The following KIAA0825 variants were observed in gnomAD, a reference collection of about 807,000 sequenced individuals.
The protein encoded by KIAA0825 is KIAA0825, also known as uncharacterized protein KIAA0825.
In KIAA0825, 119 loss-of-function variants were observed where a neutral mutation model predicts 147.6. The observed-to-expected ratio is 0.81, with a 90% CI of 0.69 to 0.94. The LOEUF is 0.94. Among genes scored for constraint, KIAA0825 ranks in the 40% least tolerant of loss-of-function variants. The pLI is 0.00. For missense variants in KIAA0825, 1,381 were observed against 1,472.7 expected (o/e 0.94, Z 1.02); for synonymous variants, 470 against 518.1 (o/e 0.91, Z 1.26).
chr5:94,162,133 T>G (rs1305541090), intron 20 of KIAA0825, among the ~76,000 whole-genome samples: 1 of 152,200 alleles, frequency 6.6e-6, no homozygotes, highest in African/African-American at 2.4e-5. Flanking sequence ...ATTTACATCC[T>G]TCTTAACTTG....
At chr5:94,250,578 G>A (rs1365803433) in intron 20 of KIAA0825, among the ~76,000 whole-genome samples, 3 of 151,980 alleles carry the variant, frequency 2.0e-5, no homozygotes, top group South Asian at 2.1e-4. Flanking sequence ...TGAATTAACC[G>A]GAAGCTCATG....
At chr5:94,307,382 A>G (rs1279822864) in intron 20 of KIAA0825, among the ~76,000 whole-genome samples, 1 of 151,632 alleles carries the variant, frequency 6.6e-6, no homozygotes, top group South Asian at 2.1e-4. Flanking sequence ...TGTTTCTTCA[A>G]TTGTTATGGT....
intron 14 of KIAA0825, among the ~76,000 whole-genome samples, chr5:94,418,552 T>C (rs1175346124): frequency 1.4e-5 from 2 of 141,550 alleles, no homozygotes; most frequent in Non-Finnish European, 3.0e-5. Flanking sequence ...AACCAAGGCC[T>C]GGCCAATCAG....
intron 20 of KIAA0825, among the ~76,000 whole-genome samples, chr5:94,227,492 A>G (rs1366098337): frequency 6.6e-6 from 1 of 152,066 alleles, no homozygotes; most frequent in Non-Finnish European, 1.5e-5. Context: ...GCACATGTAT[A>G]CATATGTAAC....
chr5:94,261,693 A>G (rs1220580450), intron 20 of KIAA0825, among the ~76,000 whole-genome samples: 1 of 152,170 alleles, frequency 6.6e-6, no homozygotes, highest in Non-Finnish European at 1.5e-5. Flanking sequence ...GAACCAATCT[A>G]TACTGTTGTC....
chr5:94,378,571 G>A (rs1292122192), intron 20 of KIAA0825, among the ~76,000 whole-genome samples: 1 of 152,118 alleles, frequency 6.6e-6, no homozygotes, highest in African/African-American at 2.4e-5. Flanking sequence ...GAAGATACAC[G>A]TGCATATGTC....
At chr5:94,259,402 G>A (rs1159805136) in intron 20 of KIAA0825, among the ~76,000 whole-genome samples, 1 of 151,992 alleles carries the variant, frequency 6.6e-6, no homozygotes, top group Non-Finnish European at 1.5e-5. Context: ...TATTAGTAAG[G>A]TGAATTTTAG....
At chr5:94,372,277 C>T (rs1000099115) in intron 20 of KIAA0825, among the ~76,000 whole-genome samples, 8 of 152,244 alleles carry the variant, frequency 5.3e-5, no homozygotes, top group African/African-American at 1.4e-4. Context: ...GATAGTGGCC[C>T]TCTTCTCACA....
rs189106839 is a variant in KIAA0825, at chr5:94,209,484, A to G, written c.3711-55360T>C. Among the ~76,000 whole-genome samples, 174 of 152,278 alleles carry G rather than the reference A, an allele frequency of 1.1e-3. 1 individual carries two copies. The highest frequency in any genetic ancestry group is 3.8e-3 in the African/African-American group (157 of 41,566). On this transcript the variant is annotated intron_variant, in intron 20 of 20. Coordinates refer to ENST00000682413, the MANE Select transcript of KIAA0825 (RefSeq NM_001145678.3). ...AAGAAATTTAAATAAGAGACGAACT[A>G]TGCTGTGGGGCGGTAAGGAGGACTT...
intron 20 of KIAA0825, among the ~76,000 whole-genome samples, chr5:94,306,194 G>C (rs138157784): frequency 6.6e-6 from 1 of 151,462 alleles, no homozygotes; most frequent in Non-Finnish European, 1.5e-5. Context: ...AAAAAAAGGG[G>C]GAATGTGAAA....
intron 20 of KIAA0825, among the ~76,000 whole-genome samples, chr5:94,319,555 A>G (rs961840500): frequency 2.0e-5 from 3 of 151,874 alleles, no homozygotes; most frequent in African/African-American, 4.8e-5. Context: ...CCTCATCTCA[A>G]TAATCATATG....
At chr5:94,520,221 C>A (rs1420357357) in intron 5 of KIAA0825, 27 bp downstream of exon 5, 2 of 1,534,078 alleles carry the variant, frequency 1.3e-6, no homozygotes, top group Non-Finnish European at 1.8e-6. Flanking sequence ...TAAGTTAAAC[C>A]AAACAAAAAT....
At chr5:94,453,467 G>C (rs749211162) in intron 12 of KIAA0825, among the ~76,000 whole-genome samples, 1 of 151,602 alleles carries the variant, frequency 6.6e-6, no homozygotes, top group South Asian at 2.1e-4. Context: ...GATTACAGGC[G>C]TGAGCCACTG....
At chr5:94,550,348 T>G (rs942432859) in intron 2 of KIAA0825, among the ~76,000 whole-genome samples, 8 of 152,164 alleles carry the variant, frequency 5.3e-5, no homozygotes, top group Admixed American at 5.2e-4. Context: ...GCCCCCAAAC[T>G]GAACATAGAT....
chr5:94,236,135 G>T (rs192444698), intron 20 of KIAA0825, among the ~76,000 whole-genome samples: 29 of 152,206 alleles, frequency 1.9e-4, no homozygotes, highest in Non-Finnish European at 3.4e-4. Flanking sequence ...AGCTGCCAAA[G>T]ATAGTGATTC....
At chr5:94,614,258 GA>G (rs1463761736) in intron 1 of KIAA0825, among the ~76,000 whole-genome samples, 1 of 152,136 alleles carries the variant, frequency 6.6e-6, no homozygotes, top group African/African-American at 2.4e-5. Flanking sequence ...CTGTAATACA[GA>G]GAAAAATCAT....
intron 2 of KIAA0825, among the ~76,000 whole-genome samples, chr5:94,562,698 G>C (rs1777765814): frequency 6.6e-6 from 1 of 152,160 alleles, no homozygotes; most frequent in African/African-American, 2.4e-5. Flanking sequence ...AACCTGCCAG[G>C]AGTTTGATAT....
chr5:94,443,550 A>G (rs979920634), intron 13 of KIAA0825, among the ~76,000 whole-genome samples: 2 of 152,078 alleles, frequency 1.3e-5, no homozygotes, highest in East Asian at 3.9e-4. Context: ...CTGGGGCACA[A>G]ATTTGCCTAA....
chr5:94,421,439 T>G (rs969433570), intron 14 of KIAA0825, among the ~76,000 whole-genome samples: 1 of 152,236 alleles, frequency 6.6e-6, no homozygotes, highest in African/African-American at 2.4e-5. Flanking sequence ...GACCTTTCTC[T>G]TTTATGCTCA....
Sources: allele counts gnomAD v4.1 joint callset (sites outside exome capture counted in the v4.1 genomes callset), GRCh38; gene constraint gnomAD v4.1.1; transcripts MANE v1.5; gene names NCBI Gene and HGNC (gene_info 2026-07-23, HGNC 2026-07-21).